SEPTIN11: variants seen among roughly 807,000 people sequenced by gnomAD.
SEPTIN11 encodes the protein septin-11.
SEPTIN11 carries 25 observed loss-of-function variants against 51.4 expected under a neutral mutation model. The observed-to-expected ratio is 0.49, with a 90% CI of 0.35 to 0.68. The LOEUF (loss-of-function observed/expected upper bound fraction) is 0.68, where lower values mean the gene tolerates loss of function less well. Among genes scored for constraint, SEPTIN11 ranks in the 30% least tolerant of loss-of-function variants. SEPTIN11 has a pLI of 0.00. For missense variants in SEPTIN11, 381 were observed against 520.8 expected, an observed-to-expected ratio of 0.73 and a Z score of 2.61; for synonymous variants, 174 against 184.1, an observed-to-expected ratio of 0.95 and a Z score of 0.44.
intron 3 of SEPTIN11, among the ~76,000 whole-genome samples, chr4:77,010,236 C>T (rs1724767096): frequency 1.3e-5 from 2 of 152,120 alleles, no homozygotes; most frequent in South Asian, 4.1e-4. Flanking sequence ...TAAGGCTGTG[C>T]AGCTAGTAAG....
chr4:76,950,478 A>G (rs1437889639), intron 1 of SEPTIN11, among the ~76,000 whole-genome samples: 3 of 152,214 alleles, frequency 2.0e-5, no homozygotes, highest in African/African-American at 4.8e-5. Context: ...CCTGCCCAGG[A>G]TGTGGACAAA....
chr4:76,997,624 G>A (rs543444453), intron 2 of SEPTIN11, among the ~76,000 whole-genome samples: 9 of 152,210 alleles, frequency 5.9e-5, no homozygotes, highest in South Asian at 2.1e-4. Flanking sequence ...AGAAAGACTG[G>A]AGAGAACACA....
intron 6 of SEPTIN11, among the ~76,000 whole-genome samples, 189 bp downstream of exon 6, chr4:77,019,450 A>G (rs1332397807): frequency 6.6e-6 from 1 of 152,208 alleles, no homozygotes; most frequent in African/African-American, 2.4e-5. Flanking sequence ...TAGGTAGACA[A>G]TGGAGAGACA....
chr4:76,988,405 G>A (rs533370615), intron 1 of SEPTIN11, among the ~76,000 whole-genome samples: 4 of 152,322 alleles, frequency 2.6e-5, no homozygotes, highest in Non-Finnish European at 4.4e-5. Flanking sequence ...ACTGGTACTC[G>A]ATGAATATTT....
At chr4:76,950,189 G>C (rs1375198345) in intron 1 of SEPTIN11, among the ~76,000 whole-genome samples, 1 of 152,184 alleles carries the variant, frequency 6.6e-6, no homozygotes, top group East Asian at 1.9e-4. Flanking sequence ...CCCCTCTCCT[G>C]TTCCCTTTAA....
intron 1 of SEPTIN11, among the ~76,000 whole-genome samples, chr4:76,951,184 C>G (rs1721325585): frequency 6.6e-6 from 1 of 152,266 alleles, no homozygotes; most frequent in South Asian, 2.1e-4. Flanking sequence ...GATACGCGCG[C>G]CTTTTGCACC....
At chr4:76,983,585 T>C (rs1257289772) in intron 1 of SEPTIN11, among the ~76,000 whole-genome samples, 2 of 152,244 alleles carry the variant, frequency 1.3e-5, no homozygotes, top group Non-Finnish European at 2.9e-5. Context: ...AAATGGATGT[T>C]GTTTCAAGCC....
intron 3 of SEPTIN11, among the ~76,000 whole-genome samples, chr4:77,008,711 A>G (rs1724658702): frequency 6.6e-6 from 1 of 152,130 alleles, no homozygotes; most frequent in African/African-American, 2.4e-5. Flanking sequence ...CTGGAGGTAT[A>G]TGGAAAAAAA....
chr4:76,967,740 GTTTT>G (rs34274962), intron 1 of SEPTIN11, among the ~76,000 whole-genome samples: 5 of 149,082 alleles, frequency 3.4e-5, no homozygotes, highest in East Asian at 2.0e-4. Context: ...ACCATTAATA[GTTTT>G]TTTTTTTTTG....
At chr4:76,992,726 A>G (rs566984254) in intron 1 of SEPTIN11, among the ~76,000 whole-genome samples, 1 of 152,150 alleles carries the variant, frequency 6.6e-6, no homozygotes, top group Non-Finnish European at 1.5e-5. Flanking sequence ...GTTTGGTGAA[A>G]TTTTCCCCAA....
intron 9 of SEPTIN11, chr4:77,031,838 G>A (rs923093990): frequency 6.6e-6 from 1 of 152,182 alleles, no homozygotes; most frequent in African/African-American, 2.4e-5. Context: ...TTTGTCTAAT[G>A]TACGGTGCTT....
intron 9 of SEPTIN11, 62 bp downstream of exon 9, chr4:77,031,032 C>T: frequency 6.9e-7 from 1 of 1,451,754 alleles, no homozygotes; most frequent in South Asian, 1.3e-5. Flanking sequence ...TTGCATGTCT[C>T]TACTTTTCCC....
rs1267572706 is a variant in SEPTIN11, at chr4:77,034,985, TCCTAAG to T, written c.*476_*481del. ...ACTCACTGTCTTTTCTCCACACTTG[TCCTAAG>T]CCAAGGTAGATTTGTACGTAGACAG... On this transcript the variant is annotated 3_prime_UTR_variant, in exon 10 of 10. Transcript: ENST00000264893. 1 of 986,292 alleles carries T rather than the reference TCCTAAG, an allele frequency of 1.0e-6. No homozygotes were observed. Among genetic ancestry groups the T allele is most frequent in the African/African-American group, 1.7e-5 (1 of 57,274 alleles). 61.1% of individuals were successfully genotyped at this position (986,292 alleles called of 1,614,324 possible).
rs770268302 is a variant in SEPTIN11 at position 77,005,812 on chromosome 4, T to C, written c.338+16T>C. ...AAGATGACAGGTACATCTTGGGATT[T>C]TGGGGGGACATGAATGGATGAGGAG... On this transcript the variant is annotated intron_variant, in intron 3 of 9. Coordinates refer to ENST00000264893, the MANE Select transcript of SEPTIN11 (RefSeq NM_018243.4). 6.2e-7 allele frequency: 1 copy of C among 1,609,942 alleles called. No homozygotes were observed. Among genetic ancestry groups the C allele is most frequent in the Non-Finnish European group, 8.5e-7 (1 of 1,177,198 alleles).
chr4:76,955,745 G>A (rs1418886679), intron 1 of SEPTIN11, among the ~76,000 whole-genome samples: 1 of 152,202 alleles, frequency 6.6e-6, no homozygotes, highest in Non-Finnish European at 1.5e-5. Flanking sequence ...TTAAAGAATA[G>A]AGGAAATGAA....
intron 7 of SEPTIN11, among the ~76,000 whole-genome samples, chr4:77,025,030 T>C (rs1249087718): frequency 6.6e-6 from 1 of 152,188 alleles, no homozygotes; most frequent in Non-Finnish European, 1.5e-5. Flanking sequence ...GAATGAAGGA[T>C]GAACTGAAGT....
intron 5 of SEPTIN11, among the ~76,000 whole-genome samples, chr4:77,018,290 A>G (rs976269219): frequency 1.3e-5 from 2 of 152,138 alleles, no homozygotes; most frequent in African/African-American, 2.4e-5. Flanking sequence ...TTCTACTAAA[A>G]ATACAAAAAT....
intron 5 of SEPTIN11, among the ~76,000 whole-genome samples, chr4:77,016,834 CTATT>C (rs1725346003): frequency 1.3e-5 from 2 of 150,564 alleles, no homozygotes; most frequent in Admixed American, 6.6e-5. Context: ...AGTATAATAA[CTATT>C]TATATAGTGT....
chr4:77,013,809 T>C (rs1271140239), intron 4 of SEPTIN11, among the ~76,000 whole-genome samples: 1 of 152,240 alleles, frequency 6.6e-6, no homozygotes, highest in Non-Finnish European at 1.5e-5. Context: ...AAAGACTCTC[T>C]GTTCCCTGGC....
Sources: gnomAD v4.1 joint callset for allele counts (sites outside exome capture counted in the v4.1 genomes callset) on GRCh38, gnomAD v4.1.1 for gene constraint, MANE v1.5 for transcripts, NCBI Gene and HGNC (gene_info 2026-07-23, HGNC 2026-07-21) for gene names.